MAF: variants seen among roughly 807,000 people sequenced by gnomAD.
MAF encodes transcription factor Maf.
In MAF, 10 loss-of-function variants were observed where a neutral mutation model predicts 22.0. The ratio of observed to expected loss-of-function variants is 0.45; its 90% CI spans 0.28 to 0.77. MAF has a LOEUF of 0.77. Ranked by LOEUF, MAF falls within the 30% of genes least tolerant of loss-of-function variation. The pLI is 0.12. For missense variants in MAF, 544 were observed against 548.4 expected (o/e 0.99, Z 0.08); for synonymous variants, 337 against 255.8 (o/e 1.32, Z -3.03).
chr16:79,313,873 G>A, the MAF span, among the ~76,000 whole-genome samples: 1 of 152,166 alleles, frequency 6.6e-6, no homozygotes, highest in Non-Finnish European at 1.5e-5. Context: ...GCTTTGGAAA[G>A]TCTCACAAAC....
At chr16:79,445,079 A>G in the MAF span, among the ~76,000 whole-genome samples, 8 of 152,016 alleles carry the variant, frequency 5.3e-5, no homozygotes, top group Non-Finnish European at 8.8e-5. Context: ...TGTCGCCCAG[A>G]CTGGAGTGCA....
chr16:79,464,328 G>C, the MAF span, among the ~76,000 whole-genome samples: 1 of 152,150 alleles, frequency 6.6e-6, no homozygotes, highest in Non-Finnish European at 1.5e-5. Context: ...GACCGAGGGA[G>C]TAGGGGCCTG....
At chr16:79,262,041 G>C in the MAF span, among the ~76,000 whole-genome samples, 22,288 of 152,200 alleles carry the variant, frequency 0.15, 1,871 homozygotes, top group African/African-American at 0.21. Flanking sequence ...AGGACAGTCT[G>C]CCTGCCCCCA....
the MAF span, among the ~76,000 whole-genome samples, chr16:79,504,320 C>T: frequency 1.3e-5 from 2 of 152,172 alleles, no homozygotes; most frequent in Non-Finnish European, 2.9e-5. Flanking sequence ...ACTACCTGTC[C>T]CCACCACTCA....
At chr16:79,239,657 G>T in the MAF span, among the ~76,000 whole-genome samples, 1 of 151,980 alleles carries the variant, frequency 6.6e-6, no homozygotes, top group African/African-American at 2.4e-5. Context: ...CTCACAGCTG[G>T]GAATCACAGA....
chr16:79,212,289 G>C, the MAF span: 2 of 1,075,426 alleles, frequency 1.9e-6, no homozygotes, highest in Non-Finnish European at 2.6e-6. Flanking sequence ...GACTGAGCCA[G>C]CTTAGCAACT....
the MAF span, among the ~76,000 whole-genome samples, chr16:79,556,452 C>G: frequency 7.2e-5 from 11 of 152,162 alleles, no homozygotes; most frequent in African/African-American, 2.7e-4. Flanking sequence ...TTTTCACGGT[C>G]CCTGGCCATT....
chr16:79,512,301 C>G, the MAF span, among the ~76,000 whole-genome samples: 1 of 152,170 alleles, frequency 6.6e-6, no homozygotes, highest in African/African-American at 2.4e-5. Context: ...CGTTTCTCCA[C>G]GAAGCCAGTA....
chr16:79,313,938 A>G, the MAF span, among the ~76,000 whole-genome samples: 1 of 152,218 alleles, frequency 6.6e-6, no homozygotes, highest in Non-Finnish European at 1.5e-5. Context: ...CTACGTTCAC[A>G]GGATGTCTGC....
chr16:79,406,205 T>C, the MAF span, among the ~76,000 whole-genome samples: 1 of 152,194 alleles, frequency 6.6e-6, no homozygotes, highest in Non-Finnish European at 1.5e-5. Context: ...TCCCAGGATC[T>C]CCTTCCAAGT....
chr16:79,237,832 A>G, the MAF span, among the ~76,000 whole-genome samples: 1 of 152,096 alleles, frequency 6.6e-6, no homozygotes, highest in African/African-American at 2.4e-5. Context: ...ATTTCTAGAC[A>G]CTGACAAATG....
chr16:79,392,235 G>A, the MAF span, among the ~76,000 whole-genome samples: 19 of 147,020 alleles, frequency 1.3e-4, no homozygotes, highest in Middle Eastern at 7.6e-3. Flanking sequence ...AAAGAAGGAG[G>A]GGGAGAGGAG....
chr16:79,269,144 T>A, the MAF span, among the ~76,000 whole-genome samples: 2 of 152,222 alleles, frequency 1.3e-5, no homozygotes, highest in Non-Finnish European at 2.9e-5. Context: ...TTGAACTGTT[T>A]ACCACCCAAG....
the MAF span, among the ~76,000 whole-genome samples, chr16:79,403,556 C>T: frequency 3.9e-5 from 6 of 152,132 alleles, no homozygotes; most frequent in East Asian, 1.2e-3. Flanking sequence ...CTTTGCCTCC[C>T]TTAATGCCAC....
chr16:79,538,355 T>C, the MAF span, among the ~76,000 whole-genome samples: 1 of 152,154 alleles, frequency 6.6e-6, no homozygotes, highest in South Asian at 2.1e-4. Context: ...AAACTGGTGA[T>C]TTATACAAAA....
the MAF span, among the ~76,000 whole-genome samples, chr16:79,232,980 A>G: frequency 6.6e-6 from 1 of 151,120 alleles, no homozygotes; most frequent in Non-Finnish European, 1.5e-5. Context: ...AGCTGGGACT[A>G]CGGGCGCCCG....
the MAF span, among the ~76,000 whole-genome samples, chr16:79,303,235 C>T: frequency 5.3e-5 from 8 of 152,166 alleles, no homozygotes; most frequent in Non-Finnish European, 1.2e-4. Context: ...TCTCTTTACA[C>T]CTGTCATTGT....
At chr16:79,304,881 G>A in the MAF span, among the ~76,000 whole-genome samples, 14 of 152,156 alleles carry the variant, frequency 9.2e-5, no homozygotes, top group Non-Finnish European at 2.1e-4. Flanking sequence ...AAAGTCACAT[G>A]AGTGGTGTTG....
chr16:79,458,872 T>G, the MAF span, among the ~76,000 whole-genome samples: 46 of 152,340 alleles, frequency 3.0e-4, no homozygotes, highest in South Asian at 9.1e-3. Context: ...TGAGGAGGTC[T>G]CACTGTTCAG....
Sources: allele counts gnomAD v4.1 joint callset (sites outside exome capture counted in the v4.1 genomes callset), GRCh38; gene constraint gnomAD v4.1.1; transcripts MANE v1.5; gene names NCBI Gene and HGNC (gene_info 2026-07-23, HGNC 2026-07-21).